Variants in ZHX2 observed in about 807,000 individuals in gnomAD.
ZHX2 encodes the protein zinc fingers and homeoboxes protein 2.
A neutral mutation model predicts 21.9 loss-of-function variants in ZHX2; 6 were observed. The observed-to-expected ratio is 0.27, with a 90% confidence interval of 0.15 to 0.54. ZHX2 has a LOEUF of 0.54. ZHX2 is among the 20% of genes least tolerant of loss of function. The pLI is 0.95. For missense variants in ZHX2, 908 were observed against 1,090.7 expected, an observed-to-expected ratio of 0.83 and a Z score of 2.36; for synonymous variants, 434 against 437.1, an observed-to-expected ratio of 0.99 and a Z score of 0.09.
intron 2 of ZHX2, among the ~76,000 whole-genome samples, chr8:122,907,753 C>T (rs530422431): frequency 5.9e-5 from 9 of 152,282 alleles, no homozygotes; most frequent in African/African-American, 1.7e-4. Context: ...GACACTGCCT[C>T]ATCAGAGCAT....
intron 2 of ZHX2, among the ~76,000 whole-genome samples, chr8:122,941,450 G>A (rs147335158): frequency 7.0e-4 from 107 of 152,332 alleles, no homozygotes; most frequent in African/African-American, 2.5e-3. Flanking sequence ...CTCTGTTTCT[G>A]TGGATCGTGT....
chr8:122,832,845 C>T (rs1283622652), intron 1 of ZHX2, among the ~76,000 whole-genome samples: 2 of 152,032 alleles, frequency 1.3e-5, no homozygotes, highest in African/African-American at 2.4e-5. Flanking sequence ...TTAGGGGAGA[C>T]CTAATACTCC....
At chr8:122,876,892 T>C (rs970721315) in intron 2 of ZHX2, among the ~76,000 whole-genome samples, 11 of 152,142 alleles carry the variant, frequency 7.2e-5, no homozygotes, top group Non-Finnish European at 1.5e-4. Flanking sequence ...GTTGCAGGGA[T>C]TGGGGGACCC....
At chr8:122,867,346 C>T (rs1819324423) in intron 2 of ZHX2, among the ~76,000 whole-genome samples, 1 of 152,206 alleles carries the variant, frequency 6.6e-6, no homozygotes, top group South Asian at 2.1e-4. Flanking sequence ...AGACTCAGCT[C>T]AGCCCAGCTC....
chr8:122,807,423 CAG>C (rs1172411335), intron 1 of ZHX2, among the ~76,000 whole-genome samples: 1 of 152,184 alleles, frequency 6.6e-6, no homozygotes, highest in Non-Finnish European at 1.5e-5. Context: ...AAAGCAAAAA[CAG>C]TGTCATCAGC....
intron 2 of ZHX2, among the ~76,000 whole-genome samples, chr8:122,876,602 A>G (rs1368441667): frequency 1.3e-5 from 2 of 152,156 alleles, no homozygotes; most frequent in African/African-American, 2.4e-5. Flanking sequence ...ACAAGCAGCA[A>G]TTGAGGGTTG....
At chr8:122,818,584 T>G (rs1459647616) in intron 1 of ZHX2, among the ~76,000 whole-genome samples, 2 of 152,216 alleles carry the variant, frequency 1.3e-5, no homozygotes, top group African/African-American at 4.8e-5. Flanking sequence ...CGTATCTATA[T>G]GGAGACAGCA....
At position 122,952,116 on chromosome 8, in the gene ZHX2, G is replaced by T. The variant is rs377327558; in HGVS notation, c.606G>T (p.Lys202Asn). ...PKADAKKVPKKPEEITPENHV... is the reference protein window; with the variant it reads ...PKADAKKVPKNPEEITPENHV... Reference sequence around the variant, plus strand: ...CGGATGCCAAGAAGGTGCCCAAGAAGCCCGAGGAGATCACCCCCGAGAACC... The same window carrying T: ...CGGATGCCAAGAAGGTGCCCAAGAATCCCGAGGAGATCACCCCCGAGAACC... Residue 202 changes from lysine (K) to asparagine (N), a missense_variant, in exon 3 of 4, where the codon AAG becomes AAT. Lys to Asn is a moderately conservative substitution (Grantham distance 94). This residue lies in a region of ZHX2 where 220 missense variants were observed against 251.4 expected (regional missense o/e 0.88). Transcript: ENST00000314393. This position sits in a 1 kb window ranked among gnomAD's most constrained non-coding sequence, Gnocchi z 6.9. The T allele has an allele frequency of 2.5e-6, 4 of 1,613,436 alleles. No homozygotes were observed. In the African/African-American group the frequency reaches 4.0e-5, roughly 16 times the overall value.
Position 122,953,428 on chromosome 8 carries a change from G to T in ZHX2, c.1918G>T (p.Val640Phe), listed in dbSNP as rs201376137. The T allele has an allele frequency of 3.1e-6, 5 of 1,614,182 alleles. No homozygotes were observed. The highest frequency in any genetic ancestry group is 1.3e-5 in the African/African-American group (1 of 75,040). ...AGCAATTGCAAAAAGTCAAGAACAG[G>T]TTCATCTCCTGAGGAGCACGTTTGC... ...SPAIAKSQEQVHLLRSTFART... is the reference protein window; with the variant it reads ...SPAIAKSQEQFHLLRSTFART... Residue 640 changes from valine (V) to phenylalanine (F), a missense_variant, in exon 3 of 4, where the codon GTT becomes TTT. Coordinates refer to ENST00000314393, the MANE Select transcript of ZHX2 (RefSeq NM_014943.5). The surrounding 1 kb of genome is among the most constrained non-coding windows in gnomAD (Gnocchi z 4.6).
intron 1 of ZHX2, among the ~76,000 whole-genome samples, chr8:122,849,629 G>A (rs1484462755): frequency 6.6e-6 from 1 of 152,018 alleles, no homozygotes; most frequent in African/African-American, 2.4e-5. Flanking sequence ...TTCTCCTCTG[G>A]ATGTCTCAGG....
chr8:122,884,851 G>A lies in ZHX2; in HGVS notation c.-220+21312G>A, dbSNP rs550523820. Reference sequence around the variant, plus strand: ...CTTAAGAACACCCCTTCAGAAGATGGAGGCAAGCGCCATAAACAAGGTGGT... The same window carrying A: ...CTTAAGAACACCCCTTCAGAAGATGAAGGCAAGCGCCATAAACAAGGTGGT... On this transcript the variant is annotated intron_variant, in intron 2 of 3. Coordinates refer to ENST00000314393, the MANE Select transcript of ZHX2 (RefSeq NM_014943.5). Among the ~76,000 whole-genome samples, 15 of 152,292 alleles carry A rather than the reference G, an allele frequency of 9.8e-5. No individual in the cohort carries two copies. The South Asian group carries it at 2.9e-3, about 29-fold the overall frequency.
intron 1 of ZHX2, among the ~76,000 whole-genome samples, chr8:122,824,331 C>T (rs1818216619): frequency 6.6e-6 from 1 of 152,196 alleles, no homozygotes; most frequent in South Asian, 2.1e-4. Context: ...CTGTCCCATG[C>T]ACCACTGACT....
chr8:122,930,678 T>G (rs1820966667), intron 2 of ZHX2, among the ~76,000 whole-genome samples: 1 of 150,980 alleles, frequency 6.6e-6, no homozygotes, highest in South Asian at 2.1e-4. Context: ...TCAGTAGAGA[T>G]GGGGTTTCAC....
intron 1 of ZHX2, among the ~76,000 whole-genome samples, chr8:122,783,203 CT>C (rs1450797612): frequency 1.3e-5 from 2 of 152,054 alleles, no homozygotes; most frequent in African/African-American, 4.8e-5. Context: ...TCGCGGTGGC[CT>C]TTTGTTTGTC....
chr8:122,929,387 G>A (rs2130131026), intron 2 of ZHX2, among the ~76,000 whole-genome samples: 1 of 152,188 alleles, frequency 6.6e-6, no homozygotes, highest in African/African-American at 2.4e-5. Flanking sequence ...CTGACAGTTG[G>A]ATCCCAGCAC....
intron 1 of ZHX2, among the ~76,000 whole-genome samples, chr8:122,803,819 C>G (rs1286125751): frequency 6.6e-6 from 1 of 152,188 alleles, no homozygotes; most frequent in Non-Finnish European, 1.5e-5. Context: ...AGCCCCACCC[C>G]ACATGATGAA....
intron 2 of ZHX2, among the ~76,000 whole-genome samples, chr8:122,945,722 TC>T (rs1812959007): frequency 6.6e-6 from 1 of 152,164 alleles, no homozygotes; most frequent in African/African-American, 2.4e-5. Flanking sequence ...CTGTCTTACC[TC>T]CCCTCCCTTC....
chr8:122,922,493 G>A (rs1820764155), intron 2 of ZHX2, among the ~76,000 whole-genome samples: 1 of 152,318 alleles, frequency 6.6e-6, no homozygotes, highest in East Asian at 1.9e-4. Context: ...GAGACTCTGA[G>A]AAACTGTTAG....
At chr8:122,885,423 G>T (rs1819816621) in intron 2 of ZHX2, among the ~76,000 whole-genome samples, 1 of 151,996 alleles carries the variant, frequency 6.6e-6, no homozygotes, top group Admixed American at 6.6e-5. Flanking sequence ...GAGCCATCGG[G>T]ACGGTGGACA....
Sources: allele counts gnomAD v4.1 joint callset (sites outside exome capture counted in the v4.1 genomes callset), GRCh38; gene constraint gnomAD v4.1.1; regional missense constraint gnomAD v4.1.1; non-coding constraint Gnocchi (gnomAD v3.1); transcripts MANE v1.5; gene names NCBI Gene and HGNC (gene_info 2026-07-23, HGNC 2026-07-21).